Variants in ITGBL1 observed in about 807,000 individuals in gnomAD.
The protein encoded by ITGBL1 is integrin beta-like protein 1.
Under a neutral mutation model 68.5 loss-of-function variants are expected in ITGBL1, and 51 were observed. The observed-to-expected ratio is 0.74, with a 90% CI of 0.59 to 0.94. The LOEUF is 0.94. ITGBL1 is among the 40% of genes least tolerant of loss of function. ITGBL1 has a pLI of 0.00. For synonymous variants in ITGBL1, 209 were observed against 227.3 expected, an observed-to-expected ratio of 0.92 and a Z score of 0.72; for missense variants, 649 against 647.4, an observed-to-expected ratio of 1.00 and a Z score of -0.03.
At chr13:101,598,501 T>C (rs1488825159) in intron 7 of ITGBL1, among the ~76,000 whole-genome samples, 2 of 152,122 alleles carry the variant, frequency 1.3e-5, no homozygotes, top group African/African-American at 4.8e-5. Context: ...TTGTTACATA[T>C]GTATACATGT....
downstream of ITGBL1, chr13:101,716,583 T>C (rs1161550511): frequency 2.0e-5 from 3 of 152,174 alleles, no homozygotes; most frequent in Admixed American, 6.5e-5. Flanking sequence ...TCTGATTTTT[T>C]ATTTTAATTT....
intron 2 of ITGBL1, among the ~76,000 whole-genome samples, chr13:101,456,915 C>CA (rs34092039): frequency 1.9e-4 from 28 of 150,408 alleles, no homozygotes; most frequent in East Asian, 3.9e-4. Context: ...GACGCTGTCT[C>CA]AAAAAAAAAG....
chr13:101,635,368 A>C (rs759093751), intron 7 of ITGBL1, among the ~76,000 whole-genome samples: 4 of 152,134 alleles, frequency 2.6e-5, no homozygotes, highest in Admixed American at 6.5e-5. Context: ...AACCGAAAAT[A>C]ACATCTATTT....
chr13:101,653,958 C>T (rs2032842560), intron 7 of ITGBL1, among the ~76,000 whole-genome samples: 1 of 150,956 alleles, frequency 6.6e-6, no homozygotes, highest in South Asian at 2.1e-4. Flanking sequence ...GATCTGCCCA[C>T]CTCCGCCTCC....
intron 10 of ITGBL1, chr13:101,715,287 A>G (rs1002594839): frequency 5.9e-6 from 2 of 340,846 alleles, no homozygotes; most frequent in Non-Finnish European, 1.1e-5. Context: ...TTTAAGGGAA[A>G]ACAAAATTGT....
rs751804302 is a variant in ITGBL1 at position 101,567,722 on chromosome 13, A to G, written c.340A>G (p.Lys114Glu). ...CAGHGKCDCG[K>E]CKCDQGWYGD... ...AGGCCATGGTAAGTGTGACTGTGGC[A>G]AGTGCAAGTGTGACCAGGGATGGTA... The change falls in exon 3 of 11, where the codon AAG becomes GAG. Residue 114 changes from lysine to glutamate, a missense_variant. Lys to Glu is a moderately conservative substitution (Grantham distance 56). Transcript: ENST00000376180. 10 of 1,613,162 alleles carry G rather than the reference A, an allele frequency of 6.2e-6. 1 individual carries two copies. In the South Asian group the frequency reaches 1.1e-4, roughly 18 times the overall value.
chr13:101,461,821 A>G (rs1405372279), intron 2 of ITGBL1, among the ~76,000 whole-genome samples: 1 of 152,138 alleles, frequency 6.6e-6, no homozygotes, highest in Non-Finnish European at 1.5e-5. Flanking sequence ...CTGCCCTTGT[A>G]TTATTTTTCT....
chr13:101,463,648 C>T (rs1173521187), intron 2 of ITGBL1, among the ~76,000 whole-genome samples: 1 of 152,108 alleles, frequency 6.6e-6, no homozygotes, highest in Non-Finnish European at 1.5e-5. Context: ...ACTCTTCCCT[C>T]CACTGAGATG....
At chr13:101,502,624 A>G (rs971621997) in intron 2 of ITGBL1, among the ~76,000 whole-genome samples, 10 of 152,200 alleles carry the variant, frequency 6.6e-5, no homozygotes, top group African/African-American at 2.2e-4. Context: ...TGGTTCATAC[A>G]TTTACTAATT....
At chr13:101,606,170 A>ATT (rs34097822) in intron 7 of ITGBL1, among the ~76,000 whole-genome samples, 6 of 58,186 alleles carry the variant, frequency 1.0e-4, no homozygotes, top group African/African-American at 3.5e-4. Flanking sequence ...TTCTATTAGG[A>ATT]TTTTTATATA....
At chr13:101,693,648 A>G (rs2033933517) in intron 8 of ITGBL1, among the ~76,000 whole-genome samples, 1 of 151,832 alleles carries the variant, frequency 6.6e-6, no homozygotes, top group African/African-American at 2.4e-5. Context: ...CTATCTATCT[A>G]TCTATCTATC....
chr13:101,490,804 T>C (rs2048765138), intron 2 of ITGBL1, among the ~76,000 whole-genome samples: 1 of 152,222 alleles, frequency 6.6e-6, no homozygotes, highest in Non-Finnish European at 1.5e-5. Context: ...CTGACAGATT[T>C]ATAGAGAGAA....
chr13:101,637,864 G>A (rs929333044), intron 7 of ITGBL1, among the ~76,000 whole-genome samples: 3 of 152,282 alleles, frequency 2.0e-5, no homozygotes, highest in African/African-American at 7.2e-5. Flanking sequence ...TCATGACTGA[G>A]TTGATTTTGT....
intron 8 of ITGBL1, among the ~76,000 whole-genome samples, chr13:101,701,750 A>AAC (rs1387589720): frequency 1.3e-5 from 2 of 152,094 alleles, no homozygotes; most frequent in Non-Finnish European, 2.9e-5. Flanking sequence ...TGAAAAGAAA[A>AAC]ACACTGTATG....
intron 7 of ITGBL1, among the ~76,000 whole-genome samples, chr13:101,604,605 T>G (rs1181183595): frequency 2.0e-5 from 3 of 151,214 alleles, no homozygotes; most frequent in African/African-American, 7.3e-5. Context: ...TTCTTTCTCA[T>G]AGTGCTACAT....
chr13:101,540,639 T>G (rs2049679709), intron 2 of ITGBL1, among the ~76,000 whole-genome samples: 1 of 152,220 alleles, frequency 6.6e-6, no homozygotes, highest in Non-Finnish European at 1.5e-5. Flanking sequence ...ATAAATTACT[T>G]TGGGCAGTAT....
rs1023988786 is a variant in ITGBL1, at chr13:101,707,966, C to T, written c.1279+1064C>T. 4.0e-5 allele frequency among the ~76,000 whole-genome samples: 6 copies of T among 151,448 alleles called. No homozygotes were observed. In the East Asian group the frequency reaches 1.2e-3, roughly 29 times the overall value. The stretch of plus-strand genomic sequence containing the variant: ...GCCACCAACCCAATAAAACATTTGC[C>T]ATGGAAACATATTAAAGGAAAAAGC... On this transcript the variant is annotated intron_variant, in intron 9 of 10. Coordinates refer to ENST00000376180, the MANE Select transcript of ITGBL1 (RefSeq NM_004791.3).
chr13:101,712,842 T>A (rs760886678), intron 9 of ITGBL1: 2 of 152,116 alleles, frequency 1.3e-5, no homozygotes, highest in Admixed American at 6.5e-5. Context: ...ATCAGGAAAT[T>A]CCTCACCTTG....
At chr13:101,650,978 ATCTTTT>A (rs2032731584) in intron 7 of ITGBL1, among the ~76,000 whole-genome samples, 1 of 152,164 alleles carries the variant, frequency 6.6e-6, no homozygotes, top group Non-Finnish European at 1.5e-5. Context: ...AAAGGACATG[ATCTTTT>A]TCCTTTTTAT....
Sources: gnomAD v4.1 joint callset for allele counts (sites outside exome capture counted in the v4.1 genomes callset) on GRCh38, gnomAD v4.1.1 for gene constraint, MANE v1.5 for transcripts, NCBI Gene and HGNC (gene_info 2026-07-23, HGNC 2026-07-21) for gene names.